The following SH3RF3 variants were observed in gnomAD, a reference collection of about 807,000 sequenced individuals.
The protein encoded by SH3RF3 is SH3 domain containing ring finger 3.
In SH3RF3, 29 loss-of-function variants were observed where a neutral mutation model predicts 66.3. The ratio of observed to expected loss-of-function variants is 0.44; its 90% CI spans 0.33 to 0.60. SH3RF3 has a LOEUF of 0.60. Ranked by LOEUF, SH3RF3 falls within the 20% of genes least tolerant of loss-of-function variation. The pLI, the probability that SH3RF3 is intolerant of heterozygous loss-of-function variation, is 0.04. For missense variants in SH3RF3, 1,194 were observed against 1,190.9 expected (o/e 1.00, Z -0.04); for synonymous variants, 583 against 532.0 (o/e 1.10, Z -1.32).
chr2:109,380,975 T>A (rs551308820), intron 3 of SH3RF3, among the ~76,000 whole-genome samples: 55 of 152,352 alleles, frequency 3.6e-4, no homozygotes, highest in African/African-American at 1.3e-3. Context: ...TCGTTGCTGA[T>A]TGCCGACTGT....
rs72952051 is a variant in SH3RF3 at position 109,235,309 on chromosome 2, C to A, written c.573+105196C>A. Among the ~76,000 whole-genome samples, 1,357 of 152,290 alleles carry A rather than the reference C, an allele frequency of 8.9e-3. 17 individuals are homozygous for A. Among genetic ancestry groups the A allele is most frequent in the African/African-American group, 0.031 (1,298 of 41,550 alleles). On this transcript the variant is annotated intron_variant, in intron 1 of 9. Coordinates refer to ENST00000309415, the MANE Select transcript of SH3RF3 (RefSeq NM_001099289.3). Reference sequence around the variant, plus strand: ...TGCAAGGTCTTTCTTCTCCCCTCCCCCTTCCTACCTCCTCTTCATCCACCC... The same window carrying A: ...TGCAAGGTCTTTCTTCTCCCCTCCCACTTCCTACCTCCTCTTCATCCACCC...
Position 109,229,320 on chromosome 2 carries a change from C to A in SH3RF3, c.573+99207C>A, listed in dbSNP as rs557751252. ...CACCCCACTTCCTCTGTTGTTAACACCTTACATTAGCATGGTACTTTTCAT... is the reference window on the plus strand; with the variant it reads ...CACCCCACTTCCTCTGTTGTTAACAACTTACATTAGCATGGTACTTTTCAT... On this transcript the variant is annotated intron_variant, in intron 1 of 9. Transcript: ENST00000309415. Among the ~76,000 whole-genome samples, 413 of 152,322 alleles carry A rather than the reference C, an allele frequency of 2.7e-3. 4 individuals are homozygous for A. Among genetic ancestry groups the A allele is most frequent in the African/African-American group, 9.6e-3 (397 of 41,564 alleles).
At chr2:109,400,511 C>T (rs1332740377) in intron 4 of SH3RF3, among the ~76,000 whole-genome samples, 2 of 152,178 alleles carry the variant, frequency 1.3e-5, no homozygotes, top group South Asian at 2.1e-4. Flanking sequence ...ACATACACCC[C>T]TCCAGGTGCA....
In SH3RF3 at chr2:109,303,275, C is replaced by G. The variant is rs946195238; in HGVS notation, c.574-44399C>G. Among the ~76,000 whole-genome samples, 3 of 152,200 alleles carry G rather than the reference C, an allele frequency of 2.0e-5. No homozygotes were observed. In the East Asian group the frequency reaches 5.8e-4, roughly 29 times the overall value. On this transcript the variant is annotated intron_variant, in intron 1 of 9. Transcript: ENST00000309415. Reference sequence around the variant, plus strand: ...AGGACCACCTCCCTCACATATGCTTCCCAGTGAATTTGGAACGTCCATCCA... The same window carrying G: ...AGGACCACCTCCCTCACATATGCTTGCCAGTGAATTTGGAACGTCCATCCA...
chr2:109,179,003 A>AGTGTGTGTGTGTG (rs1553480769), intron 1 of SH3RF3, among the ~76,000 whole-genome samples: 1 of 142,066 alleles, frequency 7.0e-6, no homozygotes, highest in South Asian at 2.3e-4. Context: ...AAGTATAATA[A>AGTGTGTGTGTGTG]TGTGTGTGTG....
At chr2:109,227,734 C>G (rs1228153356) in intron 1 of SH3RF3, among the ~76,000 whole-genome samples, 2 of 152,220 alleles carry the variant, frequency 1.3e-5, no homozygotes, top group African/African-American at 4.8e-5. Flanking sequence ...GAATCTTGTG[C>G]AGTCCTTTCG....
intron 1 of SH3RF3, among the ~76,000 whole-genome samples, chr2:109,144,565 G>T (rs1677047669): frequency 6.6e-6 from 1 of 152,268 alleles, no homozygotes. Context: ...TTTTATGCTT[G>T]CAAGCAGCGT....
At chr2:109,413,567 G>A (rs1162808094) in intron 4 of SH3RF3, among the ~76,000 whole-genome samples, 3 of 151,874 alleles carry the variant, frequency 2.0e-5, no homozygotes, top group African/African-American at 7.3e-5. Flanking sequence ...TGTCTCTCCC[G>A]CTCTAGAATG....
chr2:109,199,602 T>TCAACGC, intron 1 of SH3RF3, among the ~76,000 whole-genome samples: 1 of 340 alleles, frequency 2.9e-3, no homozygotes, highest in Non-Finnish European at 7.0e-3. Context: ...TGGAATGGAA[T>TCAACGC]GGAATGGAAT....
intron 1 of SH3RF3, among the ~76,000 whole-genome samples, chr2:109,150,868 A>G (rs1677211249): frequency 6.6e-6 from 1 of 152,248 alleles, no homozygotes; most frequent in Non-Finnish European, 1.5e-5. Context: ...AATGTGAAAA[A>G]AAATATGGGC....
chr2:109,155,575 A>G (rs1024585647), intron 1 of SH3RF3, among the ~76,000 whole-genome samples: 7 of 152,162 alleles, frequency 4.6e-5, no homozygotes, highest in African/African-American at 1.4e-4. Context: ...TGCTGGGATT[A>G]CAGGCCTGAG....
intron 2 of SH3RF3, among the ~76,000 whole-genome samples, chr2:109,369,701 C>G (rs976837771): frequency 6.6e-6 from 1 of 152,182 alleles, no homozygotes; most frequent in Non-Finnish European, 1.5e-5. Flanking sequence ...CAGAGCCCAG[C>G]CTGCCCTCCT....
intron 5 of SH3RF3, among the ~76,000 whole-genome samples, chr2:109,420,687 C>T (rs547294469): frequency 4.1e-4 from 62 of 152,248 alleles, no homozygotes; most frequent in South Asian, 1.2e-3. Context: ...TCTCGTGATC[C>T]GCCCGCCTTG....
At chr2:109,498,880 G>A (rs1247889889) in intron 9 of SH3RF3, among the ~76,000 whole-genome samples, 1 of 152,222 alleles carries the variant, frequency 6.6e-6, no homozygotes, top group Non-Finnish European at 1.5e-5. Flanking sequence ...GGCGTTCTGG[G>A]CAGAGGGAGC....
intron 1 of SH3RF3, among the ~76,000 whole-genome samples, chr2:109,149,852 CA>C (rs1289415629): frequency 1.3e-5 from 2 of 152,166 alleles, no homozygotes; most frequent in Non-Finnish European, 2.9e-5. Context: ...ATTAAAATAC[CA>C]GGGGGTTCTT....
At chr2:109,419,043 G>C (rs555784830) in intron 4 of SH3RF3, among the ~76,000 whole-genome samples, 5 of 152,098 alleles carry the variant, frequency 3.3e-5, no homozygotes, top group Non-Finnish European at 7.4e-5. Flanking sequence ...TGGGGTCTTG[G>C]GGGGAGGGGG....
At chr2:109,146,947 T>G (rs1172247281) in intron 1 of SH3RF3, among the ~76,000 whole-genome samples, 1 of 132,856 alleles carries the variant, frequency 7.5e-6, no homozygotes, top group Admixed American at 8.8e-5. Context: ...AGAAAACACT[T>G]CTGGCAGTAA....
At chr2:109,172,485 T>C (rs138205615) in intron 1 of SH3RF3, among the ~76,000 whole-genome samples, 4 of 152,366 alleles carry the variant, frequency 2.6e-5, no homozygotes, top group African/African-American at 9.6e-5. Context: ...GTGTTTGCAG[T>C]GAAAATAGTC....
At chr2:109,193,071 C>T (rs1678407315) in intron 1 of SH3RF3, among the ~76,000 whole-genome samples, 1 of 152,146 alleles carries the variant, frequency 6.6e-6, no homozygotes, top group Non-Finnish European at 1.5e-5. Context: ...TAGTGTGGTT[C>T]AAAGGTGAGT....
Sources: allele counts gnomAD v4.1 joint callset (sites outside exome capture counted in the v4.1 genomes callset), GRCh38; gene constraint gnomAD v4.1.1; transcripts MANE v1.5; gene names NCBI Gene and HGNC (gene_info 2026-07-23, HGNC 2026-07-21).